The following SCAPER variants were observed in gnomAD, a reference collection of about 807,000 sequenced individuals.
SCAPER encodes the protein S phase cyclin A-associated protein in the endoplasmic reticulum.
SCAPER carries 98 observed loss-of-function variants against 182.2 expected under a neutral mutation model. The observed-to-expected ratio is 0.54, with a 90% CI of 0.46 to 0.64. The LOEUF is 0.64. SCAPER is among the 30% of genes least tolerant of loss of function. The pLI is 0.00. For synonymous variants in SCAPER, 605 were observed against 564.6 expected (o/e 1.07, Z -1.01); for missense variants, 1,432 against 1,690.0 (o/e 0.85, Z 2.68).
At chr15:76,795,530 C>A in intron 7 of SCAPER, 90 bp from the exon 8 acceptor site, 1 of 953,198 alleles carries the variant, frequency 1.0e-6, no homozygotes. Flanking sequence ...TTAAATTATG[C>A]ATATGAATAT....
At chr15:76,522,675 G>A (rs1254171387) in intron 23 of SCAPER, among the ~76,000 whole-genome samples, 1 of 152,042 alleles carries the variant, frequency 6.6e-6, no homozygotes, top group Non-Finnish European at 1.5e-5. Flanking sequence ...GGACATTAGA[G>A]GAGTGACGAC....
chr15:76,669,509 C>A (rs375920676), intron 20 of SCAPER, among the ~76,000 whole-genome samples: 12 of 152,216 alleles, frequency 7.9e-5, no homozygotes, highest in East Asian at 5.8e-4. Context: ...ATGAAAGCAC[C>A]ATCCATACTA....
At chr15:76,708,242 T>C (rs934795477) in intron 17 of SCAPER, among the ~76,000 whole-genome samples, 5 of 152,208 alleles carry the variant, frequency 3.3e-5, no homozygotes, top group Admixed American at 6.5e-5. Context: ...CTTTTGGTAT[T>C]TGTATTATTC....
chr15:76,900,165 C>T (rs886822332), intron 1 of SCAPER, among the ~76,000 whole-genome samples: 5 of 151,524 alleles, frequency 3.3e-5, no homozygotes, highest in Admixed American at 3.3e-4. Flanking sequence ...GTCATCACCA[C>T]TCCCTAATCT....
At chr15:76,901,063 G>A (rs1347921360) in intron 1 of SCAPER, among the ~76,000 whole-genome samples, 1 of 152,042 alleles carries the variant, frequency 6.6e-6, no homozygotes, top group Non-Finnish European at 1.5e-5. Context: ...TGTGTATTAT[G>A]GTAAAAATGA....
At chr15:76,455,837 C>G (rs2048691745) in intron 25 of SCAPER, among the ~76,000 whole-genome samples, 1 of 152,054 alleles carries the variant, frequency 6.6e-6, no homozygotes, top group Non-Finnish European at 1.5e-5. Flanking sequence ...CCCCCAACTC[C>G]TGACAGGCCC....
intron 27 of SCAPER, among the ~76,000 whole-genome samples, chr15:76,395,537 C>T (rs931169066): frequency 2.0e-5 from 3 of 152,152 alleles, no homozygotes; most frequent in African/African-American, 4.8e-5. Flanking sequence ...AGATAAAAGA[C>T]ATTTTAACTG....
intron 23 of SCAPER, among the ~76,000 whole-genome samples, chr15:76,508,346 C>A (rs1483206197): frequency 1.3e-5 from 2 of 152,128 alleles, no homozygotes; most frequent in East Asian, 3.9e-4. Context: ...TCTACTTTGA[C>A]ACTTTGGACA....
chr15:76,835,570 A>C (rs1055494203), intron 5 of SCAPER, among the ~76,000 whole-genome samples: 2 of 152,178 alleles, frequency 1.3e-5, no homozygotes, highest in East Asian at 3.8e-4. Context: ...CATCTATGAC[A>C]CTCTCATAGC....
At chr15:76,723,488 T>A (rs1314239984) in intron 17 of SCAPER, among the ~76,000 whole-genome samples, 1 of 152,178 alleles carries the variant, frequency 6.6e-6, no homozygotes, top group East Asian at 1.9e-4. Context: ...GATATCCTTG[T>A]TAACTTTCTG....
At chr15:76,849,054 A>C (rs2070441241) in intron 4 of SCAPER, among the ~76,000 whole-genome samples, 1 of 152,170 alleles carries the variant, frequency 6.6e-6, no homozygotes, top group Non-Finnish European at 1.5e-5. Flanking sequence ...CAAAGAGCCT[A>C]AGGGCTACAC....
intron 15 of SCAPER, among the ~76,000 whole-genome samples, chr15:76,737,695 T>C (rs948790942): frequency 2.0e-5 from 3 of 152,244 alleles, no homozygotes; most frequent in African/African-American, 7.2e-5. Flanking sequence ...TTCTTTCATC[T>C]GCATTGCAAA....
At chr15:76,670,971 A>G (rs1002549788) in intron 20 of SCAPER, among the ~76,000 whole-genome samples, 4 of 152,208 alleles carry the variant, frequency 2.6e-5, no homozygotes, top group African/African-American at 9.6e-5. Context: ...AGCATGTAAA[A>G]AGAAGCTTTT....
At chr15:76,472,404 A>T in intron 24 of SCAPER, 1 of 663,490 alleles carries the variant, frequency 1.5e-6, no homozygotes, top group Non-Finnish European at 2.7e-6. Flanking sequence ...ACTTCTGGTG[A>T]CTGTATAGTT....
Position 76,616,373 on chromosome 15 carries a change from A to T in SCAPER, c.2711+5391T>A, listed in dbSNP as rs187888296. Among the ~76,000 whole-genome samples, 228 of 152,324 alleles carry T rather than the reference A, an allele frequency of 1.5e-3. 2 individuals carry two copies. Among genetic ancestry groups the T allele is most frequent in the African/African-American group, 5.3e-3 (222 of 41,582 alleles). On this transcript the variant is annotated intron_variant, in intron 22 of 31. Transcript: ENST00000563290. ...TAAATGAAATAAGCCTATCACAAAA[A>T]GACAAATACTGTATATTTACACTTA... is the stretch of plus-strand genomic sequence containing the variant.
At chr15:76,715,336 G>A (rs896918184) in intron 17 of SCAPER, among the ~76,000 whole-genome samples, 1 of 151,978 alleles carries the variant, frequency 6.6e-6, no homozygotes, top group East Asian at 1.9e-4. Flanking sequence ...AAGTAGCTAT[G>A]CCTTCTGGGG....
At chr15:76,886,209 G>A (rs2073830454) in intron 1 of SCAPER, among the ~76,000 whole-genome samples, 1 of 152,228 alleles carries the variant, frequency 6.6e-6, no homozygotes, top group Admixed American at 6.5e-5. Context: ...ACCGGGCACA[G>A]TGGCTCACGC....
intron 20 of SCAPER, among the ~76,000 whole-genome samples, chr15:76,673,259 G>A (rs2057152182): frequency 6.6e-6 from 1 of 151,926 alleles, no homozygotes; most frequent in South Asian, 2.1e-4. Context: ...ACATGGACAA[G>A]GACTACTGGT....
Position 76,599,863 on chromosome 15 carries a change from T to C in SCAPER, c.2711+21901A>G, listed in dbSNP as rs182408665. ...TACTCAGTGTCTGCATTTGTCAAAA[T>C]TTATCAAATGTCACCCTTAAGATCT... On this transcript the variant is annotated intron_variant, in intron 22 of 31. Transcript: ENST00000563290. 5.1e-4 allele frequency among the ~76,000 whole-genome samples: 62 copies of C among 121,964 alleles called. 5 individuals carry two copies. The highest frequency in any genetic ancestry group is 1.5e-3 in the African/African-American group (59 of 39,898). 80.0% of individuals were successfully genotyped at this position (121,964 alleles called of 152,430 possible). A position where few individuals can be genotyped will look rare whatever the true frequency, so the allele number is the denominator to read the frequency against.
Sources: gnomAD v4.1 joint callset for allele counts (sites outside exome capture counted in the v4.1 genomes callset) on GRCh38, gnomAD v4.1.1 for gene constraint, MANE v1.5 for transcripts, NCBI Gene and HGNC (gene_info 2026-07-23, HGNC 2026-07-21) for gene names.